The following LIMCH1 variants were observed in gnomAD, a reference collection of about 807,000 sequenced individuals.
LIMCH1 encodes LIM and calponin homology domains 1, also known as LIM and calponin homology domains-containing protein 1.
Under a neutral mutation model 176.5 loss-of-function variants are expected in LIMCH1, and 113 were observed. The observed-to-expected ratio is 0.64, with a 90% CI of 0.55 to 0.75. The LOEUF is 0.75. Among genes scored for constraint, LIMCH1 ranks in the 30% least tolerant of loss-of-function variants. The probability of loss-of-function intolerance (pLI) is 0.00; values close to 1 mark genes in which losing one functional copy is unlikely to be tolerated. For synonymous variants in LIMCH1, 619 were observed against 645.9 expected (o/e 0.96, Z 0.63); for missense variants, 1,674 against 1,814.9 (o/e 0.92, Z 1.41).
intron 1 of LIMCH1, among the ~76,000 whole-genome samples, chr4:41,454,426 T>A (rs923289629): frequency 2.6e-5 from 4 of 151,994 alleles, no homozygotes; most frequent in Non-Finnish European, 5.9e-5. Flanking sequence ...ATGGAGTGTT[T>A]TTCAAATGGG....
At chr4:41,388,205 T>C (rs893210444) in intron 1 of LIMCH1, among the ~76,000 whole-genome samples, 1 of 152,226 alleles carries the variant, frequency 6.6e-6, no homozygotes, top group African/African-American at 2.4e-5. Context: ...TGCTCATGAA[T>C]GTTCCTAGAA....
At chr4:41,652,217 C>A (rs1466549726) in intron 18 of LIMCH1, among the ~76,000 whole-genome samples, 1 of 151,970 alleles carries the variant, frequency 6.6e-6, no homozygotes, top group African/African-American at 2.4e-5. Flanking sequence ...TATTTTTTTC[C>A]TTTATGATTA....
intron 7 of LIMCH1, 30 bp from the exon 8 acceptor site, chr4:41,626,678 G>A (rs577751582): frequency 1.3e-6 from 2 of 1,521,528 alleles, no homozygotes; most frequent in African/African-American, 2.7e-5. Flanking sequence ...CTGATCACAT[G>A]TGGAGTCCCA....
chr4:41,453,126 A>G lies in LIMCH1; in HGVS notation c.97-41410A>G, dbSNP rs74885907. Among the ~76,000 whole-genome samples, 1,298 of 152,312 alleles carry G rather than the reference A, an allele frequency of 8.5e-3. 28 individuals carry two copies. The highest frequency in any genetic ancestry group is 0.029 in the African/African-American group (1,209 of 41,562). On this transcript the variant is annotated intron_variant, in intron 1 of 26. Transcript: ENST00000313860. ...GTGCTCTAGAAGGACTGCAGCAAAC[A>G]AGAGGACTTTTCACCCCACACCTGC...
At position 41,360,927 on chromosome 4, in the gene LIMCH1, GTGGAT is replaced by G. The variant is rs1037285057; in HGVS notation, c.90_94del (p.Trp30Ter). On this transcript the variant is annotated frameshift_variant, in exon 1 of 27. Coordinates refer to the LIMCH1 transcript ENST00000313860. LOFTEE classifies it high-confidence loss of function. This position sits in a 1 kb window ranked among gnomAD's most constrained non-coding sequence, Gnocchi z 4.5. ...AGCCCGCCTTCTCCGAGGCGCAGAA[GTGGAT>G]TGAGGTAGGTGCGGGTGGCTGGCGG... 1 of 1,581,584 alleles carries G rather than the reference GTGGAT, an allele frequency of 6.3e-7. No individual in the cohort carries two copies. Among genetic ancestry groups the G allele is most frequent in the Non-Finnish European group, 8.6e-7 (1 of 1,167,084 alleles).
chr4:41,507,322 T>C (rs1409931164), intron 2 of LIMCH1, among the ~76,000 whole-genome samples: 2 of 152,158 alleles, frequency 1.3e-5, no homozygotes, highest in Non-Finnish European at 2.9e-5. Context: ...TTAATTCCAT[T>C]TCCAGCCTCT....
intron 1 of LIMCH1, among the ~76,000 whole-genome samples, chr4:41,589,293 A>G (rs1483301021): frequency 6.6e-6 from 1 of 152,134 alleles, no homozygotes; most frequent in Non-Finnish European, 1.5e-5. Flanking sequence ...AGAGAGCGAG[A>G]GAGCTGTGCA....
chr4:41,582,002 G>A (rs975489872), intron 1 of LIMCH1, among the ~76,000 whole-genome samples: 7 of 151,810 alleles, frequency 4.6e-5, no homozygotes, highest in East Asian at 1.9e-4. Context: ...TTCTTTATCC[G>A]TTCATCCATT....
At chr4:41,585,772 GTTA>G (rs943466983) in intron 1 of LIMCH1, among the ~76,000 whole-genome samples, 9 of 152,106 alleles carry the variant, frequency 5.9e-5, no homozygotes, top group African/African-American at 1.9e-4. Context: ...TGATTTGCCT[GTTA>G]TTATTGTTGT....
At chr4:41,577,373 T>A (rs560040228) in intron 1 of LIMCH1, among the ~76,000 whole-genome samples, 1 of 152,248 alleles carries the variant, frequency 6.6e-6, no homozygotes, top group African/African-American at 2.4e-5. Flanking sequence ...AACTTTAAAA[T>A]TATACATCCT....
chr4:41,627,146 A>G, intron 8 of LIMCH1, 136 bp downstream of exon 8: 1 of 1,206,502 alleles, frequency 8.3e-7, no homozygotes, highest in Non-Finnish European at 1.1e-6. Context: ...TCTCAATTAT[A>G]TGTACTTTGT....
intron 1 of LIMCH1, among the ~76,000 whole-genome samples, chr4:41,458,238 T>C (rs981208937): frequency 7.2e-5 from 11 of 152,204 alleles, no homozygotes; most frequent in African/African-American, 2.7e-4. Flanking sequence ...CCAATCTCCT[T>C]CTTTTTGCAC....
At chr4:41,548,901 C>T in intron 1 of LIMCH1, among the ~76,000 whole-genome samples, 1 of 152,168 alleles carries the variant, frequency 6.6e-6, no homozygotes, top group East Asian at 1.9e-4. Context: ...CTGGCTCTGC[C>T]TCCAGAGCTG....
At chr4:41,491,658 C>A (rs540421455) in intron 1 of LIMCH1, among the ~76,000 whole-genome samples, 2 of 145,194 alleles carry the variant, frequency 1.4e-5, no homozygotes, top group African/African-American at 5.2e-5. Flanking sequence ...GACGGGGCGG[C>A]CAGGCAGAGA....
At chr4:41,393,942 A>G (rs1050976472) in intron 1 of LIMCH1, among the ~76,000 whole-genome samples, 1 of 152,212 alleles carries the variant, frequency 6.6e-6, no homozygotes, top group African/African-American at 2.4e-5. Flanking sequence ...AACTCGTTTT[A>G]CTGTGTCATT....
intron 1 of LIMCH1, among the ~76,000 whole-genome samples, chr4:41,446,238 G>A (rs1293488239): frequency 6.6e-6 from 1 of 152,124 alleles, no homozygotes; most frequent in African/African-American, 2.4e-5. Flanking sequence ...GATTTGGGTG[G>A]CATGATGAGG....
chr4:41,546,264 A>G (rs187299002), intron 1 of LIMCH1, among the ~76,000 whole-genome samples: 30 of 151,960 alleles, frequency 2.0e-4, no homozygotes, highest in Middle Eastern at 3.4e-3. Context: ...TCACCCTCCC[A>G]AGTAGCTGGG....
intron 1 of LIMCH1, among the ~76,000 whole-genome samples, chr4:41,471,824 G>C (rs1459071452): frequency 1.3e-5 from 2 of 151,942 alleles, no homozygotes; most frequent in Non-Finnish European, 2.9e-5. Flanking sequence ...TTTGTTCCTG[G>C]AACTTCCTTT....
At chr4:41,626,281 C>G (rs1178284234) in intron 7 of LIMCH1, among the ~76,000 whole-genome samples, 1 of 151,982 alleles carries the variant, frequency 6.6e-6, no homozygotes, top group Non-Finnish European at 1.5e-5. Context: ...ATTTGTTTTC[C>G]CCCAGATCAG....
Sources: allele counts gnomAD v4.1 joint callset (sites outside exome capture counted in the v4.1 genomes callset), GRCh38; gene constraint gnomAD v4.1.1; non-coding constraint Gnocchi (gnomAD v3.1); transcripts MANE v1.5; gene names NCBI Gene and HGNC (gene_info 2026-07-23, HGNC 2026-07-21).